The following FYB1 variants were observed in gnomAD, a reference collection of about 807,000 sequenced individuals.
FYB1 encodes the protein FYN binding protein 1.
FYB1 carries 41 observed loss-of-function variants against 94.1 expected under a neutral mutation model. The ratio of observed to expected loss-of-function variants is 0.44; its 90% CI spans 0.34 to 0.57. The LOEUF (loss-of-function observed/expected upper bound fraction) is 0.57. Among genes scored for constraint, FYB1 ranks in the 20% least tolerant of loss-of-function variants. The probability of loss-of-function intolerance (pLI) is 0.02; values close to 1 mark genes in which losing one functional copy is unlikely to be tolerated. For synonymous variants in FYB1, 367 were observed against 353.2 expected (o/e 1.04, Z -0.44); for missense variants, 1,050 against 976.8 (o/e 1.07, Z -1.00).
chr5:39,248,658 G>C (rs910490268), intron 1 of FYB1, among the ~76,000 whole-genome samples: 2 of 152,114 alleles, frequency 1.3e-5, no homozygotes, highest in Non-Finnish European at 2.9e-5. Flanking sequence ...CCAACATGGC[G>C]AAACCCCGTC....
chr5:39,165,279 T>C (rs1287082353), intron 2 of FYB1, among the ~76,000 whole-genome samples: 1 of 152,098 alleles, frequency 6.6e-6, no homozygotes, highest in African/African-American at 2.4e-5. Context: ...ATGGCACTGG[T>C]ATAAAAATAG....
chr5:39,136,840 C>G (rs1055992955), intron 7 of FYB1, among the ~76,000 whole-genome samples: 1 of 152,132 alleles, frequency 6.6e-6, no homozygotes, highest in African/African-American at 2.4e-5. Context: ...AATAAAAATA[C>G]TTAAAGAAAC....
At chr5:39,190,909 G>T (rs1317304191) in intron 2 of FYB1, among the ~76,000 whole-genome samples, 1 of 152,032 alleles carries the variant, frequency 6.6e-6, no homozygotes, top group African/African-American at 2.4e-5. Context: ...CTGCAATCTA[G>T]ATCCTCAATG....
chr5:39,108,171 TTTATAAA>T, intron 18 of FYB1, 53 bp downstream of exon 18: 1 of 1,421,980 alleles, frequency 7.0e-7, no homozygotes, highest in Non-Finnish European at 9.6e-7. Flanking sequence ...ATTTTTAGCA[TTTATAAA>T]AACAGTAAAT....
intron 1 of FYB1, among the ~76,000 whole-genome samples, chr5:39,251,639 C>CT (rs148443314): frequency 1.8e-4 from 27 of 151,034 alleles, no homozygotes; most frequent in East Asian, 5.8e-4. Context: ...TATACTAATC[C>CT]TTTTTTTTTG....
chr5:39,147,997 A>G lies in FYB1; in HGVS notation c.1292+5451T>C, dbSNP rs559922790. On this transcript the variant is annotated intron_variant, in intron 3 of 18. Coordinates refer to ENST00000512982, the MANE Select transcript of FYB1 (RefSeq NM_001465.6). ...GCCCGGCAAGTCCACCCTGTCTTCT[A>G]AAATTCCTTCCTTGATCCCAATTAG... 4.9e-5 allele frequency among the ~76,000 whole-genome samples: 7 copies of G among 141,922 alleles called. No homozygotes were observed. The South Asian group carries it at 9.1e-4, about 19-fold the overall frequency. 93.1% of individuals were successfully genotyped at this position (141,922 alleles called of 152,430 possible). A position where few individuals can be genotyped will look rare whatever the true frequency, so the allele number is the denominator to read the frequency against.
chr5:39,259,519 CA>C (rs1382504856), intron 1 of FYB1, among the ~76,000 whole-genome samples: 6 of 152,144 alleles, frequency 3.9e-5, no homozygotes, highest in Non-Finnish European at 7.4e-5. Context: ...GAAAACTAAC[CA>C]ACCGATCAAC....
At chr5:39,123,510 T>C (rs936217867) in intron 13 of FYB1, among the ~76,000 whole-genome samples, 3 of 152,140 alleles carry the variant, frequency 2.0e-5, no homozygotes, top group Non-Finnish European at 2.9e-5. Flanking sequence ...ATATTATAGA[T>C]TAGAACACAA....
In FYB1 at chr5:39,134,920, A is replaced by G. The variant is rs1476365234; in HGVS notation, c.1610T>C (p.Ile537Thr). The change falls in exon 8 of 19, where the codon ATT becomes ACT. Residue 537 changes from isoleucine to threonine, a missense_variant. Transcript: ENST00000512982. ...GTTGTCTGTGATGCGGATGATTTCA[A>G]TTTGCTCTCCTTGCTTGAAGCTCAG... ...NELSFKQGEQ[I>T]EIIRITDNPE... 19 of 1,613,836 alleles carry G rather than the reference A, an allele frequency of 1.2e-5. No homozygotes were observed. The highest frequency in any genetic ancestry group is 1.5e-5 in the Non-Finnish European group (18 of 1,179,870).
chr5:39,268,267 G>C lies in FYB1; in HGVS notation c.-28+6136C>G, dbSNP rs866996902. Among the ~76,000 whole-genome samples, 10 of 144,600 alleles carry C rather than the reference G, an allele frequency of 6.9e-5. No homozygotes were observed. In the Middle Eastern group the frequency reaches 0.01, roughly 152 times the overall value. 94.9% of individuals were successfully genotyped at this position (144,600 alleles called of 152,430 possible). A position where few individuals can be genotyped will look rare whatever the true frequency, so the allele number is the denominator to read the frequency against. On this transcript the variant is annotated intron_variant, in intron 1 of 1. Transcript: ENST00000510188. Reference sequence around the variant, plus strand: ...TTTTTTTTTTTTTGAATACAGGGTTGCCTGGGTTGGAGTGTGGTGACATGA... The same window carrying C: ...TTTTTTTTTTTTTGAATACAGGGTTCCCTGGGTTGGAGTGTGGTGACATGA...
chr5:39,170,430 G>C (rs1446535645), intron 2 of FYB1: 1 of 441,562 alleles, frequency 2.3e-6, no homozygotes, highest in Non-Finnish European at 4.1e-6. Context: ...CTCAGCAGCA[G>C]ACCTGGAGGG....
At chr5:39,119,825 A>G (rs1012288402) in intron 14 of FYB1, among the ~76,000 whole-genome samples, 191 bp from the exon 15 acceptor site, 4 of 152,112 alleles carry the variant, frequency 2.6e-5, no homozygotes, top group Admixed American at 2.0e-4. Context: ...CCTCAAGCAA[A>G]TATAGATTAT....
intron 2 of FYB1, among the ~76,000 whole-genome samples, chr5:39,197,609 C>A (rs1336507412): frequency 2.0e-5 from 3 of 152,240 alleles, no homozygotes; most frequent in African/African-American, 7.2e-5. Flanking sequence ...AAAGCAAATG[C>A]ACTCTGGAAA....
At chr5:39,130,420 T>G (rs958723552) in intron 10 of FYB1, among the ~76,000 whole-genome samples, 170 bp downstream of exon 10, 7 of 152,120 alleles carry the variant, frequency 4.6e-5, no homozygotes, top group African/African-American at 1.7e-4. Context: ...GAACTCGAAA[T>G]GTTCTCAACA....
intron 16 of FYB1, 79 bp from the exon 17 acceptor site, chr5:39,110,468 C>T: frequency 1.1e-6 from 1 of 881,812 alleles, no homozygotes; most frequent in Non-Finnish European, 1.8e-6. Flanking sequence ...GAAATCAAAA[C>T]ACAAGAGAGT....
chr5:39,266,940 C>T (rs1021385409), intron 1 of FYB1, among the ~76,000 whole-genome samples: 3 of 152,150 alleles, frequency 2.0e-5, no homozygotes, highest in Non-Finnish European at 4.4e-5. Flanking sequence ...AGCTTGTCTT[C>T]CTAGGTATCT....
chr5:39,212,440 A>G (rs1481246910), intron 1 of FYB1, among the ~76,000 whole-genome samples: 1 of 152,230 alleles, frequency 6.6e-6, no homozygotes, highest in African/African-American at 2.4e-5. Context: ...CACAAAGAGA[A>G]ATAGATAATA....
At chr5:39,220,382 C>A (rs1292247692), upstream of FYB1, among the ~76,000 whole-genome samples, 4 of 147,140 alleles carry the variant, frequency 2.7e-5, no homozygotes, top group Non-Finnish European at 5.9e-5. Context: ...CCATTGCACT[C>A]CAGCCTGGGT....
In FYB1 at chr5:39,202,594, C is replaced by G; in HGVS notation, c.367G>C (p.Glu123Gln). 4 of 1,613,840 alleles carry G rather than the reference C, an allele frequency of 2.5e-6. No individual in the cohort carries two copies. The highest frequency in any genetic ancestry group is 3.4e-6 in the Non-Finnish European group (4 of 1,179,864). Residue 123 changes from glutamate (E) to glutamine (Q), a missense_variant, in exon 2 of 19, where the codon GAA (glutamate) becomes CAA (glutamine). Transcript: ENST00000512982. ...VGPKPINLPK[E>Q]DSKPTFPWPP... Reference sequence around the variant, plus strand: ...CAGGGAAATGTAGGTTTGGAATCTTCTTTGGGCAAGTTGATGGGCTTGGGG... The same window carrying G: ...CAGGGAAATGTAGGTTTGGAATCTTGTTTGGGCAAGTTGATGGGCTTGGGG...
Sources: gnomAD v4.1 joint callset for allele counts (sites outside exome capture counted in the v4.1 genomes callset) on GRCh38, gnomAD v4.1.1 for gene constraint, MANE v1.5 for transcripts, NCBI Gene and HGNC (gene_info 2026-07-23, HGNC 2026-07-21) for gene names.